SLC9A8: variants seen among roughly 807,000 people sequenced by gnomAD.
SLC9A8 encodes the protein solute carrier family 9 member A8.
In SLC9A8, 48 loss-of-function variants were observed where a neutral mutation model predicts 66.6. That is an observed-to-expected ratio of 0.72 (90% CI 0.57 to 0.92). The LOEUF is 0.92. Among genes scored for constraint, SLC9A8 ranks in the 40% least tolerant of loss-of-function variants. SLC9A8 has a pLI of 0.00. For missense variants in SLC9A8, 599 were observed against 747.3 expected (o/e 0.80, Z 2.31); for synonymous variants, 274 against 282.6 (o/e 0.97, Z 0.31).
chr20:49,850,044 G>A (rs2088181494), intron 6 of SLC9A8, among the ~76,000 whole-genome samples: 1 of 152,204 alleles, frequency 6.6e-6, no homozygotes, highest in South Asian at 2.1e-4. Context: ...GGGGTTGAAT[G>A]CTGTTTTTTG....
At chr20:49,813,003 G>A in intron 1 of SLC9A8, 55 bp downstream of exon 1, 3 of 1,350,192 alleles carry the variant, frequency 2.2e-6, no homozygotes, top group Non-Finnish European at 2.9e-6. Flanking sequence ...CCCGGCGGGT[G>A]ACAGCGAGCG....
At chr20:49,882,730 G>C (rs1288047229) in intron 13 of SLC9A8, among the ~76,000 whole-genome samples, 1 of 152,192 alleles carries the variant, frequency 6.6e-6, no homozygotes, top group Non-Finnish European at 1.5e-5. Context: ...CCGGTGGCCT[G>C]GCTAGCCGGT....
At chr20:49,819,218 AG>A (rs2086653906) in intron 2 of SLC9A8, among the ~76,000 whole-genome samples, 1 of 152,230 alleles carries the variant, frequency 6.6e-6, no homozygotes, top group Non-Finnish European at 1.5e-5. Flanking sequence ...AACTTAATGG[AG>A]TTATTATGAT....
At position 49,886,704 on chromosome 20, in the gene SLC9A8, C is replaced by T. The variant is rs567508610; in HGVS notation, c.1492-48C>T. On this transcript the variant is annotated intron_variant, in intron 14 of 15. Transcript: ENST00000361573. This position sits in a 1 kb window ranked among gnomAD's most constrained non-coding sequence, Gnocchi z 4.8. ...GTGGGGGCTTCCAGGAGGTGCCCCC[C>T]GATGGTGCCAGCTGGTGGCCGTCGG... 38 of 1,591,442 alleles carry T rather than the reference C, an allele frequency of 2.4e-5. No individual in the cohort carries two copies. The African/African-American group carries it at 2.8e-4, about 12-fold the overall frequency.
chr20:49,812,959 T>G lies in SLC9A8; in HGVS notation c.26+11T>G, dbSNP rs1326368076. On this transcript the variant is annotated intron_variant, in intron 1 of 15. Transcript: ENST00000361573. ...GATGGCGGAAGAGGAGTGAGTGGGC[T>G]TTTTCCCGGGCGGCGGAGGCGGCGG... The G allele has an allele frequency of 7.1e-7, 1 of 1,411,274 alleles. No individual in the cohort carries two copies. The highest frequency in any genetic ancestry group is 1.4e-5 in the South Asian group (1 of 69,476). The allele number at this position is 1,411,274 out of a possible 1,614,324, so 87.4% of individuals were successfully genotyped here.
intron 8 of SLC9A8, among the ~76,000 whole-genome samples, chr20:49,858,758 G>C (rs1288172388): frequency 6.6e-6 from 1 of 151,964 alleles, no homozygotes; most frequent in Non-Finnish European, 1.5e-5. Flanking sequence ...AGGAGTTTGA[G>C]ACCAGCCTTG....
rs891496971 is a variant in SLC9A8, at chr20:49,849,456, G to A, written c.433-123G>A. The A allele has an allele frequency of 2.1e-5, 15 of 707,902 alleles. No homozygotes were observed. The East Asian group carries it at 3.8e-4, about 18-fold the overall frequency. The allele number at this position is 707,902 out of a possible 1,614,324, so 43.9% of individuals were successfully genotyped here. A position where few individuals can be genotyped will look rare whatever the true frequency, so the allele number is the denominator to read the frequency against. On this transcript the variant is annotated intron_variant, in intron 5 of 15. Coordinates refer to ENST00000361573, the MANE Select transcript of SLC9A8 (RefSeq NM_015266.3). The stretch of plus-strand genomic sequence containing the variant: ...CCCGGGCTCCCAGCTTGCCACACAG[G>A]TTGGGCAGTGGTGCCTTTTACAGAG...
At chr20:49,866,328 G>C (rs774488319) in intron 10 of SLC9A8, among the ~76,000 whole-genome samples, 2 of 152,216 alleles carry the variant, frequency 1.3e-5, no homozygotes, top group African/African-American at 2.4e-5. Flanking sequence ...GGGTTTTCCA[G>C]ATTTGGGCTA....
At chr20:49,832,357 C>T (rs886568280) in intron 3 of SLC9A8, among the ~76,000 whole-genome samples, 40 of 152,114 alleles carry the variant, frequency 2.6e-4, no homozygotes, top group Non-Finnish European at 2.9e-5. Context: ...CCTGACCTAC[C>T]TGAACTGACT....
chr20:49,837,868 C>T (rs376650162), intron 3 of SLC9A8, among the ~76,000 whole-genome samples: 14 of 152,136 alleles, frequency 9.2e-5, no homozygotes, highest in African/African-American at 3.1e-4. Flanking sequence ...CACGCCTGGT[C>T]GGTTCTGTGT....
At chr20:49,830,919 T>C in intron 3 of SLC9A8, 1 of 895,118 alleles carries the variant, frequency 1.1e-6, no homozygotes, top group Non-Finnish European at 1.9e-6. Flanking sequence ...TAAGCCTGAT[T>C]TCTACTGAAA....
At chr20:49,843,921 C>G (rs1170007200) in intron 4 of SLC9A8, among the ~76,000 whole-genome samples, 1 of 152,080 alleles carries the variant, frequency 6.6e-6, no homozygotes, top group Non-Finnish European at 1.5e-5. Flanking sequence ...CCCTATACAG[C>G]TGGTTGTTAA....
intron 11 of SLC9A8, among the ~76,000 whole-genome samples, chr20:49,875,690 T>C (rs892397610): frequency 3.3e-5 from 5 of 152,152 alleles, no homozygotes; most frequent in African/African-American, 1.2e-4. Flanking sequence ...CCCAAGTGAC[T>C]TTGCCCTAGC....
chr20:49,812,841 C>G lies in SLC9A8; in HGVS notation c.-82C>G. 6.9e-7 allele frequency: 1 copy of G among 1,458,182 alleles called. No homozygotes were observed. The highest frequency in any genetic ancestry group is 9.1e-7 in the Non-Finnish European group (1 of 1,097,862). 90.3% of individuals were successfully genotyped at this position (1,458,182 alleles called of 1,614,324 possible). On this transcript the variant is annotated 5_prime_UTR_variant, in exon 1 of 16. Coordinates refer to ENST00000361573, the MANE Select transcript of SLC9A8 (RefSeq NM_015266.3). ...GCCCCGCCTCCCGCTCGCCCGCCCG[C>G]GCCTCCAGCGGAAGCCGGAAGCAAA...
intron 3 of SLC9A8, among the ~76,000 whole-genome samples, chr20:49,827,757 A>G (rs2086971722): frequency 6.6e-6 from 1 of 152,092 alleles, no homozygotes; most frequent in Non-Finnish European, 1.5e-5. Flanking sequence ...TTATAAGTGG[A>G]GGGCTGAAAG....
Position 49,886,733 on chromosome 20 carries a change from G to A in SLC9A8, c.1492-19G>A, listed in dbSNP as rs368751348. On this transcript the variant is annotated intron_variant, in intron 14 of 15. Coordinates refer to ENST00000361573, the MANE Select transcript of SLC9A8 (RefSeq NM_015266.3). The surrounding 1 kb of genome is among the most constrained non-coding windows in gnomAD (Gnocchi z 4.8). Reference sequence around the variant, plus strand: ...GGTGCCAGCTGGTGGCCGTCGGGCCGCCTTTCCTCCCTGCTCAGGGCAACA... The same window carrying A: ...GGTGCCAGCTGGTGGCCGTCGGGCCACCTTTCCTCCCTGCTCAGGGCAACA... The A allele has an allele frequency of 3.6e-5, 58 of 1,604,896 alleles. 1 individual carries two copies. The highest frequency in any genetic ancestry group is 1.8e-4 in the South Asian group (16 of 89,928).
chr20:49,832,458 A>G (rs1385558385), intron 3 of SLC9A8, among the ~76,000 whole-genome samples: 1 of 152,132 alleles, frequency 6.6e-6, no homozygotes, highest in Non-Finnish European at 1.5e-5. Flanking sequence ...TTGCATAAGA[A>G]CAGGAAGTCA....
At chr20:49,840,991 G>A (rs1040948455) in intron 4 of SLC9A8, among the ~76,000 whole-genome samples, 2 of 151,164 alleles carry the variant, frequency 1.3e-5, no homozygotes, top group East Asian at 1.9e-4. Flanking sequence ...AATTTGAATT[G>A]ACTTTAAAAC....
At chr20:49,864,054 C>T (rs2088860592) in intron 9 of SLC9A8, 1 of 152,022 alleles carries the variant, frequency 6.6e-6, no homozygotes, top group Non-Finnish European at 1.5e-5. Context: ...CAGTATTTTC[C>T]TCTATATTTA....
Sources: gnomAD v4.1 joint callset for allele counts (sites outside exome capture counted in the v4.1 genomes callset) on GRCh38, gnomAD v4.1.1 for gene constraint, Gnocchi (gnomAD v3.1) non-coding constraint, MANE v1.5 for transcripts, NCBI Gene and HGNC (gene_info 2026-07-23, HGNC 2026-07-21) for gene names.